The following ASIC2 variants were observed in gnomAD, a reference collection of about 807,000 sequenced individuals.
ASIC2 encodes acid sensing ion channel subunit 2.
In ASIC2, 25 loss-of-function variants were observed where a neutral mutation model predicts 57.3. That is an observed-to-expected ratio of 0.44 (90% confidence interval 0.32 to 0.61). The LOEUF (loss-of-function observed/expected upper bound fraction) is 0.61, where lower values mean the gene tolerates loss of function less well. Among genes scored for constraint, ASIC2 ranks in the 20% least tolerant of loss-of-function variants. The pLI, the probability that ASIC2 is intolerant of heterozygous loss-of-function variation, is 0.06. For synonymous variants in ASIC2, 319 were observed against 307.5 expected (o/e 1.04, Z -0.39); for missense variants, 641 against 738.1 (o/e 0.87, Z 1.52).
chr17:33,575,258 ACT>A (rs1367863609), intron 1 of ASIC2, among the ~76,000 whole-genome samples: 1 of 152,222 alleles, frequency 6.6e-6, no homozygotes, highest in African/African-American at 2.4e-5. Context: ...TGCAAACAGC[ACT>A]GAGTCCCCAG....
At chr17:34,015,132 C>A (rs1393277083) in intron 1 of ASIC2, among the ~76,000 whole-genome samples, 2 of 138,934 alleles carry the variant, frequency 1.4e-5, no homozygotes, top group Non-Finnish European at 3.1e-5. Context: ...TGGTCTCAAA[C>A]TCCTGGGCTC....
At chr17:33,068,157 G>A (rs2092051801) in intron 3 of ASIC2, among the ~76,000 whole-genome samples, 1 of 152,120 alleles carries the variant, frequency 6.6e-6, no homozygotes, top group African/African-American at 2.4e-5. Flanking sequence ...GGGGTGGAAG[G>A]GTGGAATTAT....
At chr17:33,555,170 G>A (rs759204792) in intron 1 of ASIC2, among the ~76,000 whole-genome samples, 4 of 152,142 alleles carry the variant, frequency 2.6e-5, no homozygotes, top group Admixed American at 6.5e-5. Flanking sequence ...AGAATGGTCC[G>A]TGGCTACCTA....
At chr17:33,023,725 T>TG in intron 6 of ASIC2, 136 bp downstream of exon 6, 1 of 1,187,002 alleles carries the variant, frequency 8.4e-7, no homozygotes, top group East Asian at 2.5e-5. Context: ...GCGCAGAGCG[T>TG]GACACACAGA....
At chr17:33,690,806 G>A (rs1190133077) in intron 1 of ASIC2, among the ~76,000 whole-genome samples, 2 of 135,466 alleles carry the variant, frequency 1.5e-5, no homozygotes, top group Non-Finnish European at 3.0e-5. Context: ...CTGGAGTTCA[G>A]TGGCGCAATC....
intron 1 of ASIC2, among the ~76,000 whole-genome samples, chr17:33,426,859 A>C (rs1329441182): frequency 1.3e-5 from 2 of 152,210 alleles, no homozygotes; most frequent in African/African-American, 4.8e-5. Flanking sequence ...TATGATGGGA[A>C]AAAACAAGGT....
chr17:33,868,358 A>G (rs747589771), intron 1 of ASIC2, among the ~76,000 whole-genome samples: 3 of 152,182 alleles, frequency 2.0e-5, no homozygotes, highest in Non-Finnish European at 4.4e-5. Flanking sequence ...ATGAAACTTT[A>G]TTTACAAAAA....
chr17:33,188,591 G>A (rs1906294221), intron 1 of ASIC2, among the ~76,000 whole-genome samples: 1 of 152,006 alleles, frequency 6.6e-6, no homozygotes, highest in South Asian at 2.1e-4. Context: ...TATATGCAGA[G>A]GAACAAAGAT....
At chr17:33,655,293 C>A (rs1320703384) in intron 1 of ASIC2, among the ~76,000 whole-genome samples, 1 of 152,204 alleles carries the variant, frequency 6.6e-6, no homozygotes, top group Non-Finnish European at 1.5e-5. Flanking sequence ...TGGCACAATG[C>A]CTTGCACATG....
intron 1 of ASIC2, among the ~76,000 whole-genome samples, chr17:33,980,412 G>A (rs2142003700): frequency 6.6e-6 from 1 of 152,290 alleles, no homozygotes; most frequent in Middle Eastern, 3.4e-3. Flanking sequence ...ATGACTCAGT[G>A]GGCGAGAAGA....
At chr17:34,083,836 G>A (rs1348184418) in intron 1 of ASIC2, among the ~76,000 whole-genome samples, 7 of 152,220 alleles carry the variant, frequency 4.6e-5, no homozygotes, top group Non-Finnish European at 1.0e-4. Context: ...AGAAGTGTCT[G>A]TTCAGGTCCT....
intron 1 of ASIC2, among the ~76,000 whole-genome samples, chr17:34,131,214 A>G (rs1911946446): frequency 6.6e-6 from 1 of 152,194 alleles, no homozygotes; most frequent in Non-Finnish European, 1.5e-5. Flanking sequence ...AAGACAATAG[A>G]GAGCCATTGA....
chr17:33,020,396 G>A (rs540996406), intron 7 of ASIC2, among the ~76,000 whole-genome samples: 2 of 152,296 alleles, frequency 1.3e-5, no homozygotes, highest in East Asian at 1.9e-4. Flanking sequence ...GGAGGCACCT[G>A]CCCCTTCCAA....
At chr17:33,239,356 C>T (rs1262974579) in intron 1 of ASIC2, among the ~76,000 whole-genome samples, 1 of 152,184 alleles carries the variant, frequency 6.6e-6, no homozygotes, top group East Asian at 1.9e-4. Flanking sequence ...ATTGTAATCC[C>T]CCGGCCCCAG....
intron 1 of ASIC2, among the ~76,000 whole-genome samples, chr17:33,252,685 C>T (rs1203824255): frequency 6.6e-6 from 1 of 151,956 alleles, no homozygotes; most frequent in Non-Finnish European, 1.5e-5. Flanking sequence ...TCGTGTGTCC[C>T]TTGCACTTGA....
rs2091789107 is a variant in ASIC2, at chr17:33,013,445, G to A, written c.*520C>T. ...AGCCCCATGGGCAGCTTGGGGAAAA[G>A]GGGGTTTTTGGGCAGGTTAAGAACT... On this transcript the variant is annotated 3_prime_UTR_variant, in exon 10 of 10. Transcript: ENST00000225823. 1 of 154,132 alleles carries A rather than the reference G, an allele frequency of 6.5e-6. No homozygotes were observed. The highest frequency in any genetic ancestry group is 6.4e-5 in the Admixed American group (1 of 15,716). 9.5% of individuals were successfully genotyped at this position (154,132 alleles called of 1,614,324 possible). A position where few individuals can be genotyped will look rare whatever the true frequency, so the allele number is the denominator to read the frequency against.
Position 33,112,115 on chromosome 17 carries a change from G to C in ASIC2, c.709-48C>G, listed in dbSNP as rs112039708. On this transcript the variant is annotated intron_variant, in intron 1 of 9. Coordinates refer to ENST00000225823, the MANE Select transcript of ASIC2 (RefSeq NM_183377.2). ...AGAGAGAAGCACATGGGTAACTTCA[G>C]ACGGGGGTCCAGAGATTGGCGAGAC... The C allele has an allele frequency of 8.6e-4, 1,344 of 1,557,808 alleles. 13 individuals are homozygous for C. The African/African-American group carries it at 0.013, about 15-fold the overall frequency.
intron 1 of ASIC2, chr17:33,541,144 C>A (rs964148815): frequency 6.6e-6 from 1 of 152,030 alleles, no homozygotes; most frequent in Non-Finnish European, 1.5e-5. Flanking sequence ...GTTTTGCCAT[C>A]TTAAGGTTGA....
At chr17:33,643,675 A>G (rs1405325147) in intron 1 of ASIC2, among the ~76,000 whole-genome samples, 2 of 152,352 alleles carry the variant, frequency 1.3e-5, no homozygotes, top group Non-Finnish European at 2.9e-5. Flanking sequence ...TACTAATCAT[A>G]TAACTGTGGA....
Sources: gnomAD v4.1 joint callset for allele counts (sites outside exome capture counted in the v4.1 genomes callset) on GRCh38, gnomAD v4.1.1 for gene constraint, MANE v1.5 for transcripts, NCBI Gene and HGNC (gene_info 2026-07-23, HGNC 2026-07-21) for gene names.